FOXP1: variants seen among roughly 807,000 people sequenced by gnomAD.
The protein encoded by FOXP1 is forkhead box P1.
A neutral mutation model predicts 98.2 loss-of-function variants in FOXP1; 15 were observed. The observed-to-expected ratio is 0.15, with a 90% CI of 0.10 to 0.24. The LOEUF is 0.24. Among genes scored for constraint, FOXP1 ranks in the 10% least tolerant of loss-of-function variants. The pLI is 1.00. For missense variants in FOXP1, 633 were observed against 848.5 expected, an observed-to-expected ratio of 0.75 and a Z score of 3.15; for synonymous variants, 371 against 314.5, an observed-to-expected ratio of 1.18 and a Z score of -1.90.
chr3:71,331,742 G>C (rs574170658), intron 4 of FOXP1, among the ~76,000 whole-genome samples: 1 of 152,270 alleles, frequency 6.6e-6, no homozygotes, highest in Non-Finnish European at 1.5e-5. Context: ...GAGACTTGGA[G>C]AACCTTTATG....
intron 6 of FOXP1, among the ~76,000 whole-genome samples, chr3:71,140,869 T>C (rs1222801677): frequency 6.6e-6 from 1 of 152,008 alleles, no homozygotes; most frequent in African/African-American, 2.4e-5. Context: ...GTCCTAGCTA[T>C]TCAGGAGGCC....
chr3:71,021,157 T>A (rs775448261), intron 11 of FOXP1, among the ~76,000 whole-genome samples: 12 of 152,182 alleles, frequency 7.9e-5, no homozygotes, highest in Non-Finnish European at 1.8e-4. Flanking sequence ...ATTTTTATCA[T>A]CCCTCAAAAG....
intron 3 of FOXP1, among the ~76,000 whole-genome samples, chr3:71,407,258 A>G (rs2082414014): frequency 6.6e-6 from 1 of 151,490 alleles, no homozygotes; most frequent in African/African-American, 2.4e-5. Context: ...GACTTTCAGT[A>G]GTGTATGTTT....
In FOXP1 at chr3:71,312,171, T is replaced by C. The variant is rs527852731; in HGVS notation, c.-72-12291A>G. ...GAAGCCTGGCAAGGGTGTACGCATA[T>C]GCTGCTTCTTTCCCAAAAAGAACGT... is the stretch of plus-strand genomic sequence containing the variant. On this transcript the variant is annotated intron_variant, in intron 4 of 20. Coordinates refer to ENST00000649528, the MANE Select transcript of FOXP1 (RefSeq NM_001349338.3). Among the ~76,000 whole-genome samples the C allele has an allele frequency of 2.0e-5, 3 of 152,322 alleles. No homozygotes were observed. The South Asian group carries it at 6.2e-4, about 32-fold the overall frequency.
At chr3:71,048,427 A>G (rs2049345048) in intron 9 of FOXP1, among the ~76,000 whole-genome samples, 1 of 152,220 alleles carries the variant, frequency 6.6e-6, no homozygotes, top group Non-Finnish European at 1.5e-5. Flanking sequence ...CATGTAGTTT[A>G]TTTTACAGTA....
At chr3:70,979,319 A>AAAAAAAAAAAAAAAAAAAAAAAAAAC (rs2038349127) in intron 14 of FOXP1, among the ~76,000 whole-genome samples, 1 of 142,738 alleles carries the variant, frequency 7.0e-6, no homozygotes, top group Non-Finnish European at 1.5e-5. Context: ...AAAAAAAAAA[A>AAAAAAAAAAAAAAAAAAAAAAAAAAC]AGAAAAAAAT....
At chr3:71,428,755 G>A (rs745364182) in intron 3 of FOXP1, among the ~76,000 whole-genome samples, 2 of 152,206 alleles carry the variant, frequency 1.3e-5, no homozygotes, top group South Asian at 4.1e-4. Flanking sequence ...TCCCTACAAT[G>A]AGATGTGGCC....
intron 3 of FOXP1, among the ~76,000 whole-genome samples, chr3:71,396,645 C>T (rs2081391555): frequency 6.6e-6 from 1 of 151,772 alleles, no homozygotes; most frequent in African/African-American, 2.4e-5. Context: ...AGACTGACTA[C>T]ATAATTTATG....
rs529012783 is a variant in FOXP1 at position 71,431,771 on chromosome 3, T to A, written c.-168+61655A>T. On this transcript the variant is annotated intron_variant, in intron 3 of 20. Coordinates refer to ENST00000649528, the MANE Select transcript of FOXP1 (RefSeq NM_001349338.3). Reference sequence around the variant, plus strand: ...AGACTAACTTTTCCAAGTCACCCGATGACCTTGGGTCAAATTCAGAATCCA... The same window carrying A: ...AGACTAACTTTTCCAAGTCACCCGAAGACCTTGGGTCAAATTCAGAATCCA... Among the ~76,000 whole-genome samples, 90 of 152,382 alleles carry A rather than the reference T, an allele frequency of 5.9e-4. 3 individuals are homozygous for A. The South Asian group carries it at 0.016, about 28-fold the overall frequency.
chr3:71,067,932 A>C (rs1460196990), intron 7 of FOXP1, among the ~76,000 whole-genome samples: 3 of 135,248 alleles, frequency 2.2e-5, no homozygotes, highest in Non-Finnish European at 4.9e-5. Context: ...TAAAAAATAA[A>C]ATAAAAAAAA....
intron 3 of FOXP1, among the ~76,000 whole-genome samples, chr3:71,461,302 C>T (rs1161611419): frequency 6.6e-6 from 1 of 152,054 alleles, no homozygotes; most frequent in African/African-American, 2.4e-5. Context: ...ATTCTCATTC[C>T]GTGTAAAAAG....
In FOXP1 at chr3:71,023,224, C is replaced by G. The variant is rs143617636; in HGVS notation, c.870-7571G>C. ...TTGTTGACAAAAGACTTCCATGTCT[C>G]TCTTTGTCTGTTATCCTTCCAAATT... On this transcript the variant is annotated intron_variant, in intron 11 of 20. Coordinates refer to ENST00000649528, the MANE Select transcript of FOXP1 (RefSeq NM_001349338.3). Among the ~76,000 whole-genome samples the G allele has an allele frequency of 6.6e-5, 10 of 152,306 alleles. No homozygotes were observed. The East Asian group carries it at 1.7e-3, about 26-fold the overall frequency.
intron 3 of FOXP1, among the ~76,000 whole-genome samples, chr3:71,440,497 G>A (rs1283701319): frequency 6.6e-6 from 1 of 152,042 alleles, no homozygotes; most frequent in East Asian, 1.9e-4. Context: ...CTGATATGGT[G>A]AAACCCCGTC....
At chr3:71,374,617 A>C (rs539824504) in intron 3 of FOXP1, among the ~76,000 whole-genome samples, 1 of 152,262 alleles carries the variant, frequency 6.6e-6, no homozygotes, top group South Asian at 2.1e-4. Flanking sequence ...AAAAATAAAA[A>C]TATCTGTCAG....
intron 3 of FOXP1, among the ~76,000 whole-genome samples, chr3:71,381,436 C>CTTTTTT (rs2080167184): frequency 8.1e-6 from 1 of 124,162 alleles, no homozygotes; most frequent in Non-Finnish European, 1.7e-5. Context: ...CTGCGCCTGG[C>CTTTTTT]CTTTTTTTTT....
chr3:70,978,730 C>CTA (rs980753705), intron 14 of FOXP1, among the ~76,000 whole-genome samples: 13 of 151,520 alleles, frequency 8.6e-5, no homozygotes, highest in African/African-American at 2.9e-4. Flanking sequence ...TCATTTGTTT[C>CTA]TATCAATCAA....
rs536974322 is a variant in FOXP1, at chr3:71,462,544, T to C, written c.-168+30882A>G. Among the ~76,000 whole-genome samples the C allele has an allele frequency of 3.0e-4, 46 of 152,300 alleles. 1 individual carries two copies. The highest frequency in any genetic ancestry group is 1.9e-3 in the South Asian group (9 of 4,826). On this transcript the variant is annotated intron_variant, in intron 3 of 20. Transcript: ENST00000649528. ...GTAAGCTCCAGTCGCCGTTCAACTT[T>C]CTAAGACAGAATAAAATAAGTGAGA...
chr3:71,505,533 C>A (rs2041752967), intron 2 of FOXP1, among the ~76,000 whole-genome samples: 1 of 149,700 alleles, frequency 6.7e-6, no homozygotes, highest in East Asian at 2.0e-4. Flanking sequence ...TCAAGCGATT[C>A]TCCTGCCTCA....
intron 5 of FOXP1, among the ~76,000 whole-genome samples, chr3:71,271,140 G>A (rs1427793267): frequency 6.6e-6 from 1 of 152,214 alleles, no homozygotes; most frequent in African/African-American, 2.4e-5. Flanking sequence ...TGAGGCAGGA[G>A]AACTGCTTGA....
Sources: gnomAD v4.1 joint callset for allele counts (sites outside exome capture counted in the v4.1 genomes callset) on GRCh38, gnomAD v4.1.1 for gene constraint, MANE v1.5 for transcripts, NCBI Gene and HGNC (gene_info 2026-07-23, HGNC 2026-07-21) for gene names.